FAR2: variants seen among roughly 807,000 people sequenced by gnomAD.
FAR2 encodes the protein epididymis secretory protein Li 81.
In FAR2, 19 loss-of-function variants were observed where a neutral mutation model predicts 56.0. The observed-to-expected ratio is 0.34, with a 90% CI of 0.24 to 0.50. FAR2 has a LOEUF of 0.50. Ranked by LOEUF, FAR2 falls within the 20% of genes least tolerant of loss-of-function variation. The probability of loss-of-function intolerance (pLI) is 0.98; values close to 1 mark genes in which losing one functional copy is unlikely to be tolerated. For synonymous variants in FAR2, 219 were observed against 218.8 expected (o/e 1.00, Z -0.01); for missense variants, 508 against 642.2 (o/e 0.79, Z 2.26).
At chr12:29,157,142 A>ATATATATATATATATATATATG (rs1289279461) in intron 1 of FAR2, among the ~76,000 whole-genome samples, 2 of 137,788 alleles carry the variant, frequency 1.5e-5, no homozygotes, top group African/African-American at 5.4e-5. Flanking sequence ...ATATATATAT[A>ATATATATATATATATATATATG]TATGTATCAA....
chr12:29,190,451 T>TTTAA (rs148766068), intron 1 of FAR2, among the ~76,000 whole-genome samples: 3 of 152,230 alleles, frequency 2.0e-5, no homozygotes, highest in Non-Finnish European at 2.9e-5. Context: ...TAGTTTTATT[T>TTTAA]TTAATTAATT....
intron 10 of FAR2, among the ~76,000 whole-genome samples, chr12:29,329,071 G>A (rs1183565471): frequency 6.6e-6 from 1 of 151,908 alleles, no homozygotes; most frequent in African/African-American, 2.4e-5. Context: ...AGGCACAAAA[G>A]GCAAGATTTA....
At chr12:29,264,863 A>G (rs978397094) in intron 1 of FAR2, among the ~76,000 whole-genome samples, 1 of 150,524 alleles carries the variant, frequency 6.6e-6, no homozygotes, top group Non-Finnish European at 1.5e-5. Flanking sequence ...AAAAATCAGT[A>G]GTATTTCTAT....
chr12:29,242,674 C>A (rs768158571), intron 1 of FAR2, among the ~76,000 whole-genome samples: 1 of 152,202 alleles, frequency 6.6e-6, no homozygotes, highest in African/African-American at 2.4e-5. Context: ...AACCAGCAGG[C>A]CTGCAGGCCG....
At chr12:29,237,421 G>A (rs1023801371) in intron 1 of FAR2, among the ~76,000 whole-genome samples, 3 of 152,118 alleles carry the variant, frequency 2.0e-5, no homozygotes, top group African/African-American at 7.2e-5. Context: ...AGTTAAAAAA[G>A]CAAAATTGCT....
At chr12:29,181,146 C>T (rs1289532479) in intron 1 of FAR2, among the ~76,000 whole-genome samples, 2 of 152,078 alleles carry the variant, frequency 1.3e-5, no homozygotes, top group Non-Finnish European at 2.9e-5. Context: ...CTTTCAAATA[C>T]ATCTTGTAAC....
chr12:29,223,456 C>T (rs888747853), intron 1 of FAR2, among the ~76,000 whole-genome samples: 17 of 152,156 alleles, frequency 1.1e-4, no homozygotes, highest in African/African-American at 4.1e-4. Context: ...AGCAGGTCAT[C>T]AATAATTTTT....
chr12:29,286,553 C>A (rs1397381731), intron 2 of FAR2, among the ~76,000 whole-genome samples: 1 of 152,180 alleles, frequency 6.6e-6, no homozygotes, highest in Non-Finnish European at 1.5e-5. Flanking sequence ...AGTTTGGTCT[C>A]CATCTTCCTA....
At chr12:29,308,061 A>T (rs998951513) in intron 5 of FAR2, 1 of 404,506 alleles carries the variant, frequency 2.5e-6, no homozygotes, top group African/African-American at 2.1e-5. Flanking sequence ...TTGGACGGAG[A>T]GCTTAAATTA....
chr12:29,199,701 A>AC (rs1947382379), intron 1 of FAR2, among the ~76,000 whole-genome samples: 1 of 63,460 alleles, frequency 1.6e-5, no homozygotes, highest in East Asian at 1.1e-3. Context: ...CACATAAAAG[A>AC]TGGCAGGCAG....
Position 29,299,213 on chromosome 12 carries a change from C to CA in FAR2, c.545+2035dup, listed in dbSNP as rs71042981. 7.2e-3 allele frequency among the ~76,000 whole-genome samples: 744 copies of CA among 103,466 alleles called. 6 individuals are homozygous for CA. The highest frequency in any genetic ancestry group is 0.015 in the African/African-American group (387 of 25,878). The allele number at this position is 103,466 out of a possible 152,430, so 67.9% of individuals were successfully genotyped here. A position where few individuals can be genotyped will look rare whatever the true frequency, so the allele number is the denominator to read the frequency against. ...GGTCAACAAGAGCAAAACTTTGTCT[C>CA]AAAAAAAAAAAAAAAAAAAAAAGAA... On this transcript the variant is annotated intron_variant, in intron 4 of 11. Transcript: ENST00000536681.
At chr12:29,274,061 T>A (rs563246563) in intron 2 of FAR2, among the ~76,000 whole-genome samples, 15 of 152,060 alleles carry the variant, frequency 9.9e-5, no homozygotes, top group South Asian at 4.2e-4. Context: ...TTCTTTTTTT[T>A]AATTATACTT....
intron 1 of FAR2, among the ~76,000 whole-genome samples, chr12:29,152,914 CT>C (rs1318275021): frequency 6.6e-6 from 1 of 152,172 alleles, no homozygotes; most frequent in Non-Finnish European, 1.5e-5. Flanking sequence ...ACAAACAAGA[CT>C]TTTGGGTGCC....
At chr12:29,311,625 A>G (rs553194478) in intron 7 of FAR2, among the ~76,000 whole-genome samples, 9 of 151,846 alleles carry the variant, frequency 5.9e-5, no homozygotes, top group Non-Finnish European at 1.0e-4. Context: ...GAACTCACAT[A>G]TATGTACTCC....
In FAR2 at chr12:29,311,666, T is replaced by TCTCACACACACACACACA. The variant is rs1555123662; in HGVS notation, c.888-216_888-215insTCACACACACACACACAC. Among the ~76,000 whole-genome samples the TCTCACACACACACACACA allele has an allele frequency of 3.2e-4, 47 of 147,530 alleles. 1 individual carries two copies. In the East Asian group the frequency reaches 7.7e-3, roughly 24 times the overall value. ...ATGTCACTCCTATTTAACATCTCTT[T>TCTCACACACACACACACA]CACACACACACACACACACACACAC... On this transcript the variant is annotated intron_variant, in intron 7 of 11. Coordinates refer to ENST00000536681, the MANE Select transcript of FAR2 (RefSeq NM_001271783.2).
chr12:29,170,340 G>T (rs1053515284), intron 1 of FAR2, among the ~76,000 whole-genome samples: 2 of 152,192 alleles, frequency 1.3e-5, no homozygotes, highest in Non-Finnish European at 1.5e-5. Flanking sequence ...TAGATCCCCT[G>T]TTAGGAAACC....
intron 1 of FAR2, among the ~76,000 whole-genome samples, chr12:29,233,096 T>G (rs1947884467): frequency 6.6e-6 from 1 of 152,164 alleles, no homozygotes; most frequent in Admixed American, 6.5e-5. Flanking sequence ...TCAATACCAT[T>G]TCTAACTGGC....
intron 1 of FAR2, among the ~76,000 whole-genome samples, chr12:29,239,715 C>G (rs1947996830): frequency 1.3e-5 from 2 of 152,120 alleles, no homozygotes; most frequent in African/African-American, 4.8e-5. Flanking sequence ...TATTATCCTT[C>G]AACAATGTAA....
At chr12:29,196,733 C>T (rs1014250952) in intron 1 of FAR2, among the ~76,000 whole-genome samples, 1 of 152,058 alleles carries the variant, frequency 6.6e-6, no homozygotes, top group Non-Finnish European at 1.5e-5. Flanking sequence ...ATCTCAAAAG[C>T]ACAATCAATG....
Sources: gnomAD v4.1 joint callset for allele counts (sites outside exome capture counted in the v4.1 genomes callset) on GRCh38, gnomAD v4.1.1 for gene constraint, MANE v1.5 for transcripts, NCBI Gene and HGNC (gene_info 2026-07-23, HGNC 2026-07-21) for gene names.